The following RBFOX1 variants were observed in gnomAD, a reference collection of about 807,000 sequenced individuals.
RBFOX1 encodes the protein RNA binding fox-1 homolog 1, also known as RNA binding protein fox-1 homolog 1.
A neutral mutation model predicts 57.7 loss-of-function variants in RBFOX1; 8 were observed. The observed-to-expected ratio is 0.14, with a 90% CI of 0.08 to 0.25. The LOEUF (loss-of-function observed/expected upper bound fraction) is 0.25. Among genes scored for constraint, RBFOX1 ranks in the 10% least tolerant of loss-of-function variants. RBFOX1 has a pLI of 1.00. For missense variants in RBFOX1, 611 were observed against 548.5 expected (o/e 1.11, Z -1.14); for synonymous variants, 326 against 222.4 (o/e 1.47, Z -4.15).
chr16:7,420,830 ATTC>A (rs535503258), intron 4 of RBFOX1, among the ~76,000 whole-genome samples: 401 of 149,112 alleles, frequency 2.7e-3, no homozygotes, highest in African/African-American at 8.6e-3. Flanking sequence ...TTAAAGAATT[ATTC>A]TTTGTCCATG....
In RBFOX1 at chr16:6,193,460, C is replaced by G. The variant is rs142749759; in HGVS notation, c.-126-123535C>G. On this transcript the variant is annotated intron_variant, in intron 1 of 15. Transcript: ENST00000550418. ...TGAGAAGGTTAGTAGGAAATGAACT[C>G]TAGGAGGACAAGAGTTGGATAGACA... 6.0e-4 allele frequency among the ~76,000 whole-genome samples: 76 copies of G among 126,740 alleles called. No homozygotes were observed. In the East Asian group the frequency reaches 0.012, roughly 21 times the overall value. 83.1% of individuals were successfully genotyped at this position (126,740 alleles called of 152,430 possible).
At chr16:5,384,150 C>T (rs772082936) in intron 1 of RBFOX1, among the ~76,000 whole-genome samples, 16 of 152,312 alleles carry the variant, frequency 1.1e-4, no homozygotes, top group African/African-American at 3.8e-4. Flanking sequence ...GTGATCATTG[C>T]TTAGCAATTC....
At position 5,528,333 on chromosome 16, in the gene RBFOX1, G is replaced by T. The variant is rs1190747940; in HGVS notation, c.258+61079G>T. Among the ~76,000 whole-genome samples, 3 of 152,080 alleles carry T rather than the reference G, an allele frequency of 2.0e-5. No individual in the cohort carries two copies. The South Asian group carries it at 6.2e-4, about 32-fold the overall frequency. Reference sequence around the variant, plus strand: ...CTAGAGAGCGTGACTCAGTAGATCTGGGTTTAGAATGCCCATTTTTAAAGG... The same window carrying T: ...CTAGAGAGCGTGACTCAGTAGATCTTGGTTTAGAATGCCCATTTTTAAAGG... On this transcript the variant is annotated intron_variant, in intron 2 of 2. Transcript: ENST00000585867.
At chr16:6,851,968 C>G (rs1380440765) in intron 3 of RBFOX1, among the ~76,000 whole-genome samples, 1 of 151,196 alleles carries the variant, frequency 6.6e-6, no homozygotes, top group Non-Finnish European at 1.5e-5. Context: ...GTTCGTCGCC[C>G]AGGCTGGAGT....
intron 1 of RBFOX1, among the ~76,000 whole-genome samples, chr16:5,380,175 G>A (rs531053815): frequency 7.6e-4 from 116 of 152,306 alleles, no homozygotes; most frequent in Middle Eastern, 6.8e-3. Flanking sequence ...AGCATCCTCC[G>A]CCTGGCTCCA....
rs924851282 is a variant in RBFOX1 at position 7,011,680 on chromosome 16, A to C, written c.-15-40377A>C. On this transcript the variant is annotated intron_variant, in intron 3 of 15. Transcript: ENST00000550418. The stretch of plus-strand genomic sequence containing the variant: ...AGGTGCCTGCCACCATGCTCGGCTA[A>C]TTTTTTGTATTTTTAGTAGAGATGG... 6.6e-5 allele frequency among the ~76,000 whole-genome samples: 10 copies of C among 152,136 alleles called. 1 individual carries two copies. Among genetic ancestry groups the C allele is most frequent in the Admixed American group, 5.2e-4 (8 of 15,280 alleles).
chr16:5,746,180 A>G (rs1422332620), intron 3 of RBFOX1, among the ~76,000 whole-genome samples: 1 of 152,178 alleles, frequency 6.6e-6, no homozygotes, highest in Non-Finnish European at 1.5e-5. Flanking sequence ...TCCCAGCACC[A>G]TTTATTAAAT....
chr16:7,099,825 A>C (rs1376300764), intron 4 of RBFOX1, among the ~76,000 whole-genome samples: 1 of 152,186 alleles, frequency 6.6e-6, no homozygotes, highest in Non-Finnish European at 1.5e-5. Flanking sequence ...GGGTTTCAAT[A>C]AAGGGTTATG....
chr16:5,458,960 T>A (rs1401362588), intron 1 of RBFOX1, among the ~76,000 whole-genome samples: 1 of 152,212 alleles, frequency 6.6e-6, no homozygotes, highest in Non-Finnish European at 1.5e-5. Context: ...CCAGGCTCTT[T>A]TCTCCTCCAT....
At chr16:7,403,882 C>T (rs927403600) in intron 4 of RBFOX1, among the ~76,000 whole-genome samples, 7 of 150,710 alleles carry the variant, frequency 4.6e-5, no homozygotes, top group Admixed American at 2.0e-4. Context: ...TATTCTAGTA[C>T]GTACATAAAT....
chr16:6,044,913 A>G (rs2095479525), intron 1 of RBFOX1, among the ~76,000 whole-genome samples: 2 of 152,176 alleles, frequency 1.3e-5, no homozygotes, highest in Admixed American at 1.3e-4. Flanking sequence ...ATACATGTAG[A>G]CCAACTTTGT....
At chr16:5,841,967 G>A (rs1223198101) in intron 3 of RBFOX1, among the ~76,000 whole-genome samples, 1 of 152,212 alleles carries the variant, frequency 6.6e-6, no homozygotes, top group Admixed American at 6.5e-5. Context: ...CTGGTGGGCT[G>A]CCATCCTCGC....
chr16:7,617,462 G>C (rs890710349), intron 10 of RBFOX1, among the ~76,000 whole-genome samples: 1 of 152,088 alleles, frequency 6.6e-6, no homozygotes, highest in Non-Finnish European at 1.5e-5. Flanking sequence ...AGCTTGGCTT[G>C]AAGAGCTCAG....
chr16:5,840,539 A>C (rs1339923907), intron 3 of RBFOX1, among the ~76,000 whole-genome samples: 1 of 152,164 alleles, frequency 6.6e-6, no homozygotes, highest in Admixed American at 6.5e-5. Context: ...CCCCACTGCC[A>C]TCATGATCTT....
intron 1 of RBFOX1, among the ~76,000 whole-genome samples, chr16:6,203,102 G>C (rs2097226536): frequency 6.6e-6 from 1 of 151,458 alleles, no homozygotes; most frequent in African/African-American, 2.4e-5. Flanking sequence ...TTTGTGGTAA[G>C]AGCACTTGAA....
intron 3 of RBFOX1, among the ~76,000 whole-genome samples, chr16:6,977,481 G>A (rs767839079): frequency 6.6e-6 from 1 of 152,012 alleles, no homozygotes; most frequent in South Asian, 2.1e-4. Flanking sequence ...TCCTGAGAAT[G>A]CAGCCCAGCA....
At chr16:7,633,123 T>C (rs2061247554) in intron 11 of RBFOX1, among the ~76,000 whole-genome samples, 1 of 152,150 alleles carries the variant, frequency 6.6e-6, no homozygotes, top group African/African-American at 2.4e-5. Flanking sequence ...TTTCCAAGGA[T>C]TGAAAAAAAC....
intron 4 of RBFOX1, among the ~76,000 whole-genome samples, chr16:7,261,310 A>T (rs186555905): frequency 1.3e-5 from 2 of 152,298 alleles, no homozygotes; most frequent in Admixed American, 1.3e-4. Flanking sequence ...GCAGGTTCTC[A>T]ATAAAAGTTG....
At chr16:6,640,078 A>G (rs928955301) in intron 2 of RBFOX1, among the ~76,000 whole-genome samples, 1 of 152,184 alleles carries the variant, frequency 6.6e-6, no homozygotes, top group African/African-American at 2.4e-5. Context: ...GAAAAGCCAT[A>G]TAAATATTAA....
Sources: gnomAD v4.1 joint callset for allele counts (sites outside exome capture counted in the v4.1 genomes callset) on GRCh38, gnomAD v4.1.1 for gene constraint, MANE v1.5 for transcripts, NCBI Gene and HGNC (gene_info 2026-07-23, HGNC 2026-07-21) for gene names.